Variants in LRRTM3 observed in about 807,000 individuals in gnomAD.
LRRTM3 encodes the protein leucine-rich repeat transmembrane neuronal protein 3.
A neutral mutation model predicts 44.7 loss-of-function variants in LRRTM3; 24 were observed. The observed-to-expected ratio is 0.54, with a 90% CI of 0.39 to 0.76. The LOEUF (loss-of-function observed/expected upper bound fraction) is 0.76. Among genes scored for constraint, LRRTM3 ranks in the 30% least tolerant of loss-of-function variants. LRRTM3 has a pLI of 0.00. For synonymous variants in LRRTM3, 277 were observed against 278.7 expected (o/e 0.99, Z 0.06); for missense variants, 587 against 702.2 (o/e 0.84, Z 1.85).
At chr10:66,949,526 C>A (rs1564788592) in intron 2 of LRRTM3, among the ~76,000 whole-genome samples, 3 of 151,190 alleles carry the variant, frequency 2.0e-5, no homozygotes, top group Non-Finnish European at 4.4e-5. Context: ...CCATTGGACT[C>A]CATCCTGGGC....
chr10:66,978,394 G>A (rs1850187375), intron 2 of LRRTM3, among the ~76,000 whole-genome samples: 2 of 151,288 alleles, frequency 1.3e-5, no homozygotes, highest in South Asian at 4.2e-4. Flanking sequence ...GGGCGTGGTG[G>A]TGGGCGCCTG....
At chr10:66,982,978 C>T (rs879326244) in intron 2 of LRRTM3, among the ~76,000 whole-genome samples, 2 of 152,094 alleles carry the variant, frequency 1.3e-5, no homozygotes, top group Admixed American at 6.6e-5. Flanking sequence ...AAGGCGCCCT[C>T]GGCTCAGGCA....
In LRRTM3 at chr10:67,072,513, G is replaced by A. The variant is rs1856521359; in HGVS notation, c.1537-25074G>A. Among the ~76,000 whole-genome samples the A allele has an allele frequency of 2.6e-5, 4 of 152,150 alleles. No individual in the cohort carries two copies. In the South Asian group the frequency reaches 8.3e-4, roughly 32 times the overall value. Reference sequence around the variant, plus strand: ...CCAAACGATATCTTCCACCAGAGCAGGTTTCTCACTTTCGATATTAAGCAG... The same window carrying A: ...CCAAACGATATCTTCCACCAGAGCAAGTTTCTCACTTTCGATATTAAGCAG... On this transcript the variant is annotated intron_variant, in intron 2 of 2. Coordinates refer to ENST00000361320, the MANE Select transcript of LRRTM3 (RefSeq NM_178011.5).
intron 2 of LRRTM3, 111 bp downstream of exon 2, chr10:66,928,563 C>T: frequency 1.0e-6 from 1 of 991,210 alleles, no homozygotes; most frequent in South Asian, 1.7e-5. Context: ...CCTTCCCTCT[C>T]CCTCTCACTT....
At position 67,097,858 on chromosome 10, in the gene LRRTM3, A is replaced by C. The variant is rs1445246544; in HGVS notation, c.*62A>C. On this transcript the variant is annotated 3_prime_UTR_variant, in exon 3 of 3. Coordinates refer to ENST00000361320, the MANE Select transcript of LRRTM3 (RefSeq NM_178011.5). ...TTGTAACCTCAAGGACAAAATGAGGAAGATGTGTTCATTGTGGACTCTAAA... is the reference window on the plus strand; with the variant it reads ...TTGTAACCTCAAGGACAAAATGAGGCAGATGTGTTCATTGTGGACTCTAAA... 1.4e-6 allele frequency: 2 copies of C among 1,465,678 alleles called. No individual in the cohort carries two copies. The highest frequency in any genetic ancestry group is 4.6e-5 in the East Asian group (2 of 43,926). 90.8% of individuals were successfully genotyped at this position (1,465,678 alleles called of 1,614,324 possible).
chr10:66,983,938 T>G (rs1850586827), intron 2 of LRRTM3, among the ~76,000 whole-genome samples: 1 of 152,220 alleles, frequency 6.6e-6, no homozygotes, highest in Non-Finnish European at 1.5e-5. Context: ...ATTTAATTCT[T>G]AGAACAACGG....
At chr10:66,972,337 T>TA (rs1849766383) in intron 2 of LRRTM3, among the ~76,000 whole-genome samples, 1 of 152,144 alleles carries the variant, frequency 6.6e-6, no homozygotes, top group African/African-American at 2.4e-5. Flanking sequence ...TACATTTTTT[T>TA]AGAGATGAAA....
At chr10:67,085,513 T>C (rs904392013) in intron 2 of LRRTM3, among the ~76,000 whole-genome samples, 2 of 151,974 alleles carry the variant, frequency 1.3e-5, no homozygotes, top group Non-Finnish European at 2.9e-5. Flanking sequence ...TCATATAATC[T>C]ATGTGTGCTC....
At chr10:66,977,644 G>A (rs1850125754) in intron 2 of LRRTM3, among the ~76,000 whole-genome samples, 1 of 152,196 alleles carries the variant, frequency 6.6e-6, no homozygotes, top group Non-Finnish European at 1.5e-5. Context: ...ATTTGTAGAT[G>A]TAAGCTGGGC....
intron 2 of LRRTM3, among the ~76,000 whole-genome samples, chr10:67,043,698 A>G (rs1173735014): frequency 6.6e-6 from 1 of 152,118 alleles, no homozygotes; most frequent in African/African-American, 2.4e-5. Flanking sequence ...TGCTCCTAAA[A>G]AGGAATCATC....
At chr10:66,965,084 C>T (rs923000692) in intron 2 of LRRTM3, among the ~76,000 whole-genome samples, 2 of 152,098 alleles carry the variant, frequency 1.3e-5, no homozygotes, top group Non-Finnish European at 2.9e-5. Flanking sequence ...TGCTGGCTTC[C>T]ACTCTGTGAG....
chr10:66,961,339 A>G (rs1164083052), intron 2 of LRRTM3, among the ~76,000 whole-genome samples: 1 of 152,108 alleles, frequency 6.6e-6, no homozygotes, highest in East Asian at 1.9e-4. Flanking sequence ...TAAACTCCAC[A>G]TTGCTCAGTC....
intron 2 of LRRTM3, among the ~76,000 whole-genome samples, chr10:67,078,548 G>A (rs998813496): frequency 3.3e-5 from 5 of 151,450 alleles, no homozygotes; most frequent in African/African-American, 7.3e-5. Flanking sequence ...AAGGAGTCTC[G>A]CTCTGTCGCC....
Position 67,088,964 on chromosome 10 carries a change from C to T in LRRTM3, c.1537-8623C>T, listed in dbSNP as rs1857464864. Among the ~76,000 whole-genome samples, 2 of 151,766 alleles carry T rather than the reference C, an allele frequency of 1.3e-5. 1 individual carries two copies. Among genetic ancestry groups the T allele is most frequent in the African/African-American group, 4.8e-5 (2 of 41,328 alleles). On this transcript the variant is annotated intron_variant, in intron 2 of 2. Transcript: ENST00000361320. ...ACAATTAAAATTAATACGAATAGAA[C>T]AATACAGTATAATGACTACTTAGAT...
At chr10:66,969,799 A>C (rs1190960383) in intron 2 of LRRTM3, among the ~76,000 whole-genome samples, 2 of 152,114 alleles carry the variant, frequency 1.3e-5, no homozygotes, top group Non-Finnish European at 2.9e-5. Flanking sequence ...TTGAGGAGAA[A>C]AGCTGCCTCT....
At chr10:66,974,889 C>A (rs1303949114) in intron 2 of LRRTM3, among the ~76,000 whole-genome samples, 4 of 150,744 alleles carry the variant, frequency 2.7e-5, no homozygotes, top group Non-Finnish European at 4.4e-5. Context: ...TCTAAGCATT[C>A]TTAATAATAC....
chr10:67,003,597 C>A (rs200960358), intron 2 of LRRTM3, among the ~76,000 whole-genome samples: 2 of 152,162 alleles, frequency 1.3e-5, no homozygotes, highest in Admixed American at 1.3e-4. Flanking sequence ...ATTTAACTCA[C>A]GCAATTGCAA....
At chr10:67,030,586 T>A (rs549362320) in intron 2 of LRRTM3, among the ~76,000 whole-genome samples, 1 of 148,554 alleles carries the variant, frequency 6.7e-6, no homozygotes, top group South Asian at 2.1e-4. Context: ...TTTATGAAGA[T>A]AAATATCTGA....
intron 2 of LRRTM3, among the ~76,000 whole-genome samples, chr10:67,014,786 A>T (rs1852554363): frequency 6.6e-6 from 1 of 152,134 alleles, no homozygotes; most frequent in Non-Finnish European, 1.5e-5. Flanking sequence ...AAAAACAGCC[A>T]TCTCTACCAC....
Sources: gnomAD v4.1 joint callset for allele counts (sites outside exome capture counted in the v4.1 genomes callset) on GRCh38, gnomAD v4.1.1 for gene constraint, MANE v1.5 for transcripts, NCBI Gene and HGNC (gene_info 2026-07-23, HGNC 2026-07-21) for gene names.